Variants in CAV1 observed in about 807,000 individuals in gnomAD.
The protein encoded by CAV1 is caveolin-1.
In CAV1, 10 loss-of-function variants were observed where a neutral mutation model predicts 16.5. The ratio of observed to expected loss-of-function variants is 0.61; its 90% CI spans 0.37 to 1.03. CAV1 has a LOEUF of 1.03. CAV1 is among the 50% of genes least tolerant of loss of function. CAV1 has a pLI of 0.01. For synonymous variants in CAV1, 76 were observed against 85.1 expected, an observed-to-expected ratio of 0.89 and a Z score of 0.59; for missense variants, 212 against 232.8, an observed-to-expected ratio of 0.91 and a Z score of 0.58.
At chr7:116,537,044 G>T (rs1055253393) in intron 2 of CAV1, among the ~76,000 whole-genome samples, 2 of 143,202 alleles carry the variant, frequency 1.4e-5, no homozygotes, top group African/African-American at 5.1e-5. Context: ...CCATTAAAAA[G>T]GGAGTCATGT....
Position 116,525,724 on chromosome 7 carries a change from C to T in CAV1, c.30+632C>T, listed in dbSNP as rs1176893576. 5.7e-6 allele frequency: 6 copies of T among 1,058,038 alleles called. No individual in the cohort carries two copies. The South Asian group carries it at 1.1e-4, about 19-fold the overall frequency. 65.5% of individuals were successfully genotyped at this position (1,058,038 alleles called of 1,614,324 possible). A position where few individuals can be genotyped will look rare whatever the true frequency, so the allele number is the denominator to read the frequency against. On this transcript the variant is annotated intron_variant, in intron 1 of 2. Coordinates refer to ENST00000341049, the MANE Select transcript of CAV1 (RefSeq NM_001753.5). Reference sequence around the variant, plus strand: ...GAGCTCTGCCCGGGTGTGGAAACCTCGTCTTCCAACACGTAGCTGCCCTTC... The same window carrying T: ...GAGCTCTGCCCGGGTGTGGAAACCTTGTCTTCCAACACGTAGCTGCCCTTC...
In CAV1 at chr7:116,559,561, A is replaced by T. The variant is rs566090149; in HGVS notation, c.*274A>T. 22 of 558,502 alleles carry T rather than the reference A, an allele frequency of 3.9e-5. No individual in the cohort carries two copies. In the East Asian group the frequency reaches 6.4e-4, roughly 16 times the overall value. The allele number at this position is 558,502 out of a possible 1,614,324, so 34.6% of individuals were successfully genotyped here. On this transcript the variant is annotated 3_prime_UTR_variant, in exon 3 of 3. Coordinates refer to ENST00000341049, the MANE Select transcript of CAV1 (RefSeq NM_001753.5). ...ATCAACCATCGCTTTATTGGCTGAG[A>T]TATGAACATATTGTTGAAAGGTAAT...
intron 2 of CAV1, among the ~76,000 whole-genome samples, chr7:116,553,087 C>T (rs1794196105): frequency 6.6e-6 from 1 of 152,170 alleles, no homozygotes; most frequent in Non-Finnish European, 1.5e-5. Flanking sequence ...AAGATCATTA[C>T]TTATGAAATC....
intron 2 of CAV1, among the ~76,000 whole-genome samples, chr7:116,535,470 A>G (rs1241469922): frequency 6.6e-6 from 1 of 152,188 alleles, no homozygotes; most frequent in African/African-American, 2.4e-5. Context: ...CTTCCATCAC[A>G]TATTTTCTCA....
intron 2 of CAV1, among the ~76,000 whole-genome samples, chr7:116,553,542 T>TTACAGA (rs1024047918): frequency 2.6e-5 from 4 of 152,092 alleles, no homozygotes; most frequent in Non-Finnish European, 5.9e-5. Context: ...GTTCCATAAA[T>TTACAGA]TACAGAACAG....
intron 2 of CAV1, among the ~76,000 whole-genome samples, chr7:116,550,620 C>A (rs1272275608): frequency 2.0e-5 from 3 of 152,194 alleles, no homozygotes; most frequent in Admixed American, 6.5e-5. Context: ...CACACACTCA[C>A]ACACAACATT....
At chr7:116,555,989 T>A (rs1794287009) in intron 2 of CAV1, among the ~76,000 whole-genome samples, 1 of 152,188 alleles carries the variant, frequency 6.6e-6, no homozygotes, top group Non-Finnish European at 1.5e-5. Flanking sequence ...ACTAACTGAA[T>A]ATATTTATAT....
chr7:116,559,439 GTAT>G lies in CAV1; in HGVS notation c.*156_*158del, dbSNP rs1256498817. 3 of 649,834 alleles carry G rather than the reference GTAT, an allele frequency of 4.6e-6. No homozygotes were observed. In the East Asian group the frequency reaches 8.1e-5, roughly 18 times the overall value. The allele number at this position is 649,834 out of a possible 1,614,324, so 40.3% of individuals were successfully genotyped here. A position where few individuals can be genotyped will look rare whatever the true frequency, so the allele number is the denominator to read the frequency against. ...AAGATCACTTTCTCAGTTTTCATAA[GTAT>G]TATGTCTCTTCTGAGCTATTTCATC... On this transcript the variant is annotated 3_prime_UTR_variant, in exon 3 of 3. Transcript: ENST00000341049.
Position 116,542,244 on chromosome 7 carries a change from A to G in CAV1, c.195+15555A>G, listed in dbSNP as rs1316261746. Among the ~76,000 whole-genome samples the G allele has an allele frequency of 2.0e-5, 3 of 152,240 alleles. No homozygotes were observed. The East Asian group carries it at 5.8e-4, about 29-fold the overall frequency. ...TAAACCCCTATTGTGATAGAAACTC[A>G]TGAAAGAGTGTGGTCTCTGCGAAAG... On this transcript the variant is annotated intron_variant, in intron 2 of 2. Coordinates refer to ENST00000341049, the MANE Select transcript of CAV1 (RefSeq NM_001753.5).
rs186336598 is a variant in CAV1 at position 116,532,368 on chromosome 7, T to G, written c.195+5679T>G. Among the ~76,000 whole-genome samples, 752 of 152,300 alleles carry G rather than the reference T, an allele frequency of 4.9e-3. 5 individuals are homozygous for G. The highest frequency in any genetic ancestry group is 0.017 in the African/African-American group (704 of 41,564). ...AGTTTGCCCTACTTTTAAACATAACTCTTTGTGATGGAATGACCAGAAACA... is the reference window on the plus strand; with the variant it reads ...AGTTTGCCCTACTTTTAAACATAACGCTTTGTGATGGAATGACCAGAAACA... On this transcript the variant is annotated intron_variant, in intron 2 of 2. Coordinates refer to ENST00000341049, the MANE Select transcript of CAV1 (RefSeq NM_001753.5).
chr7:116,525,597 AG>A, intron 1 of CAV1: 1 of 1,168,014 alleles, frequency 8.6e-7, no homozygotes, highest in Non-Finnish European at 1.1e-6. Context: ...AACCATCTCA[AG>A]AACTCCTTCT....
intron 1 of CAV1, 78 bp from the exon 2 acceptor site, chr7:116,526,447 G>A: frequency 1.2e-6 from 2 of 1,605,828 alleles, no homozygotes; most frequent in Middle Eastern, 2.0e-4. Context: ...CTCATCGCTT[G>A]TTTTTCTTTT....
At chr7:116,553,457 C>CA (rs903127080) in intron 2 of CAV1, among the ~76,000 whole-genome samples, 1 of 152,050 alleles carries the variant, frequency 6.6e-6, no homozygotes, top group Non-Finnish European at 1.5e-5. Context: ...TGTTGACACA[C>CA]AAAAATATCA....
At chr7:116,535,511 A>G (rs996831803) in intron 2 of CAV1, among the ~76,000 whole-genome samples, 1 of 152,228 alleles carries the variant, frequency 6.6e-6, no homozygotes, top group Non-Finnish European at 1.5e-5. Flanking sequence ...AATGTTTAAA[A>G]TAGTTTAAAC....
chr7:116,541,842 G>A (rs1793947854), intron 2 of CAV1, among the ~76,000 whole-genome samples: 1 of 151,920 alleles, frequency 6.6e-6, no homozygotes, highest in South Asian at 2.1e-4. Flanking sequence ...TGTCACCAGA[G>A]GTTATTTTGT....
At chr7:116,555,787 A>G (rs62469031) in intron 2 of CAV1, among the ~76,000 whole-genome samples, 13,237 of 151,968 alleles carry the variant, frequency 0.087, 723 homozygotes, top group East Asian at 0.21. Context: ...TAAGTAATTT[A>G]AATAAATTAT....
chr7:116,549,948 G>A (rs1794126915), intron 2 of CAV1, among the ~76,000 whole-genome samples: 1 of 152,118 alleles, frequency 6.6e-6, no homozygotes, highest in Non-Finnish European at 1.5e-5. Flanking sequence ...CTTCAATGGG[G>A]AAATAAAGGA....
At chr7:116,553,900 G>T (rs1794213041) in intron 2 of CAV1, among the ~76,000 whole-genome samples, 1 of 152,214 alleles carries the variant, frequency 6.6e-6, no homozygotes, top group Non-Finnish European at 1.5e-5. Context: ...GCCTGAGGAT[G>T]TTTAATTTCA....
chr7:116,558,192 A>G (rs1794330929), intron 2 of CAV1, among the ~76,000 whole-genome samples: 2 of 152,196 alleles, frequency 1.3e-5, no homozygotes, highest in Non-Finnish European at 2.9e-5. Flanking sequence ...ATTATCAACT[A>G]ACTGCCCCTT....
Sources: allele counts gnomAD v4.1 joint callset (sites outside exome capture counted in the v4.1 genomes callset), GRCh38; gene constraint gnomAD v4.1.1; transcripts MANE v1.5; gene names NCBI Gene and HGNC (gene_info 2026-07-23, HGNC 2026-07-21).